NXPE3: variants seen among roughly 807,000 people sequenced by gnomAD.
The protein encoded by NXPE3 is neurexophilin and PC-esterase domain family member 3, also known as NXPE family member 3.
NXPE3 carries 26 observed loss-of-function variants against 46.1 expected under a neutral mutation model. The ratio of observed to expected loss-of-function variants is 0.56; its 90% CI spans 0.41 to 0.78. The LOEUF is 0.78. Ranked by LOEUF, NXPE3 falls within the 30% of genes least tolerant of loss-of-function variation. The pLI, the probability that NXPE3 is intolerant of heterozygous loss-of-function variation, is 0.00. For missense variants in NXPE3, 620 were observed against 686.0 expected (o/e 0.90, Z 1.07); for synonymous variants, 272 against 257.9 (o/e 1.05, Z -0.52).
chr3:101,801,566 A>G lies in NXPE3; in HGVS notation c.425A>G (p.Asp142Gly). ...AGAAAGCCCAAGAAGTATGGTGGAG[A>G]CTACCTGCAGGCCAGAATTCACTCC... Reference protein sequence around the residue: ...FQRKPKKYGGDYLQARIHSLK... With the variant: ...FQRKPKKYGGGYLQARIHSLK... Residue 142 changes from aspartate (D) to glycine (G), a missense_variant, in exon 5 of 8, where the codon GAC (aspartate) becomes GGC (glycine). Coordinates refer to ENST00000273347, the MANE Select transcript of NXPE3 (RefSeq NM_145037.4). 1.2e-6 allele frequency: 2 copies of G among 1,614,170 alleles called. No individual in the cohort carries two copies. The highest frequency in any genetic ancestry group is 1.7e-6 in the Non-Finnish European group (2 of 1,180,032).
At chr3:101,801,212 G>A (rs1941121236) in intron 4 of NXPE3, 23 bp from the exon 5 acceptor site, 1 of 1,579,142 alleles carries the variant, frequency 6.3e-7, no homozygotes, top group African/African-American at 1.4e-5. Context: ...GGTAATTTCT[G>A]TTGTTTGTGT....
chr3:101,790,688 G>T (rs1297764552), intron 4 of NXPE3, among the ~76,000 whole-genome samples: 2 of 152,140 alleles, frequency 1.3e-5, no homozygotes. Flanking sequence ...TGTCTCGCGG[G>T]CTCAAGTGAT....
In NXPE3 at chr3:101,825,516, A is replaced by AAATCCAT. The variant is rs1190501204; in HGVS notation, c.*3566_*3572dup. The AAATCCAT allele has an allele frequency of 4.6e-5, 7 of 152,326 alleles. No homozygotes were observed. Among genetic ancestry groups the AAATCCAT allele is most frequent in the Admixed American group, 4.6e-4 (7 of 15,298 alleles). The allele number at this position is 152,326 out of a possible 1,614,324, so 9.4% of individuals were successfully genotyped here. A position where few individuals can be genotyped will look rare whatever the true frequency, so the allele number is the denominator to read the frequency against. ...AATCTAGAAGAAAAATCTATGGATA[A>AAATCCAT]AATCCATAATTCTATCATCTGAATG... On this transcript the variant is annotated 3_prime_UTR_variant, in exon 8 of 8. Coordinates refer to ENST00000273347, the MANE Select transcript of NXPE3 (RefSeq NM_145037.4).
intron 5 of NXPE3, among the ~76,000 whole-genome samples, chr3:101,803,718 C>T (rs937611488): frequency 3.3e-5 from 5 of 152,148 alleles, no homozygotes; most frequent in Admixed American, 6.5e-5. Context: ...GTCCCGGGTT[C>T]GACGGATTCT....
Position 101,798,849 on chromosome 3 carries a change from A to G in NXPE3, c.94-2386A>G, listed in dbSNP as rs1336462399. On this transcript the variant is annotated intron_variant, in intron 4 of 7. Transcript: ENST00000273347. ...GACTAGTCTCGAACTCTTGAGCTCA[A>G]ACGATCCCGATCTGTCCACCTCTGC... Among the ~76,000 whole-genome samples the G allele has an allele frequency of 7.2e-5, 11 of 152,126 alleles. No individual in the cohort carries two copies. The East Asian group carries it at 1.9e-3, about 27-fold the overall frequency.
In NXPE3 at chr3:101,822,478, T is replaced by G. The variant is rs1198200501; in HGVS notation, c.*524T>G. Reference sequence around the variant, plus strand: ...GTCTCAGGAGTTTCTCTTGATGATCTACCTTTTCTGAATTACTTGAAAAGG... The same window carrying G: ...GTCTCAGGAGTTTCTCTTGATGATCGACCTTTTCTGAATTACTTGAAAAGG... On this transcript the variant is annotated 3_prime_UTR_variant, in exon 8 of 8. Transcript: ENST00000273347. 5 of 152,618 alleles carry G rather than the reference T, an allele frequency of 3.3e-5. No individual in the cohort carries two copies. The highest frequency in any genetic ancestry group is 1.2e-4 in the African/African-American group (5 of 41,460). The allele number at this position is 152,618 out of a possible 1,614,324, so 9.5% of individuals were successfully genotyped here. A position where few individuals can be genotyped will look rare whatever the true frequency, so the allele number is the denominator to read the frequency against.
At chr3:101,794,182 G>A (rs2107272254) in intron 4 of NXPE3, among the ~76,000 whole-genome samples, 1 of 152,112 alleles carries the variant, frequency 6.6e-6, no homozygotes, top group Middle Eastern at 3.4e-3. Context: ...GCTGGAAGTG[G>A]AAGTTTGAGG....
At chr3:101,803,338 G>A (rs1941257935) in intron 5 of NXPE3, among the ~76,000 whole-genome samples, 1 of 152,082 alleles carries the variant, frequency 6.6e-6, no homozygotes, top group African/African-American at 2.4e-5. Flanking sequence ...TATGTAGTGG[G>A]TTCATGCCAT....
At position 101,822,184 on chromosome 3, in the gene NXPE3, C is replaced by CCGAG; in HGVS notation, c.*230_*231insCGAG. 1 of 465,840 alleles carries CCGAG rather than the reference C, an allele frequency of 2.1e-6. No individual in the cohort carries two copies. The allele number at this position is 465,840 out of a possible 1,614,324, so 28.9% of individuals were successfully genotyped here. A position where few individuals can be genotyped will look rare whatever the true frequency, so the allele number is the denominator to read the frequency against. ...TTAGCCATGGTAGAACTCTTAACTGCATCTACACACTATATTGCTCTTGTA... is the reference window on the plus strand; with the variant it reads ...TTAGCCATGGTAGAACTCTTAACTGCCGAGATCTACACACTATATTGCTCTTGTA... On this transcript the variant is annotated 3_prime_UTR_variant, in exon 8 of 8. Transcript: ENST00000273347.
rs1186016290 is a variant in NXPE3 at position 101,801,717 on chromosome 3, A to C, written c.576A>C (p.Glu192Asp). The C allele has an allele frequency of 3.1e-6, 5 of 1,614,076 alleles. No individual in the cohort carries two copies. The highest frequency in any genetic ancestry group is 4.2e-6 in the Non-Finnish European group (5 of 1,180,036). ...CCGTATCTCTGGTCCACCCCAGTGA[A>C]GGGATCAGAGTTCTTCAGCGCTTAC... is the stretch of plus-strand genomic sequence containing the variant. ...KVSVSLVHPS[E>D]GIRVLQRLQE... The change falls in exon 5 of 8, where the codon GAA becomes GAC. Residue 192 changes from glutamate (E) to aspartate (D), a missense_variant. Around this residue, in one of 3 missense-constraint regions of NXPE3, gnomAD observed 511 missense variants for 528.6 expected, o/e 0.97. Coordinates refer to ENST00000273347, the MANE Select transcript of NXPE3 (RefSeq NM_145037.4).
chr3:101,805,681 T>C (rs1418574813), intron 5 of NXPE3, among the ~76,000 whole-genome samples: 1 of 152,136 alleles, frequency 6.6e-6, no homozygotes, highest in Non-Finnish European at 1.5e-5. Flanking sequence ...CTCAAGGATA[T>C]CTGCCCGTCT....
intron 4 of NXPE3, among the ~76,000 whole-genome samples, chr3:101,788,589 G>A (rs1286318553): frequency 2.0e-5 from 3 of 152,096 alleles, no homozygotes; most frequent in Non-Finnish European, 4.4e-5. Flanking sequence ...TGGTATCTTA[G>A]TTATTTTTAG....
At chr3:101,818,712 AATTTATATATATAT>A (rs1560067022) in intron 7 of NXPE3, among the ~76,000 whole-genome samples, 1 of 45,878 alleles carries the variant, frequency 2.2e-5, no homozygotes, top group African/African-American at 7.2e-5. Flanking sequence ...AATATATGAC[AATTTATATATATAT>A]ATATATATAT....
chr3:101,821,426 T>G lies in NXPE3; in HGVS notation c.1152T>G (p.Gly384=), dbSNP rs369282230. The G allele has an allele frequency of 2.5e-5, 41 of 1,613,730 alleles. No homozygotes were observed. The highest frequency in any genetic ancestry group is 3.5e-5 in the Non-Finnish European group (41 of 1,179,812). Residue 384 remains glycine, a synonymous_variant, in exon 8 of 8, where the codon GGT becomes GGG. Coordinates refer to ENST00000273347, the MANE Select transcript of NXPE3 (RefSeq NM_145037.4). ...FVPDLVEFNL[G]SPKNVGPFLA... is the part of the protein sequence containing the mutation. Reference sequence around the variant, plus strand: ...CAGATTTAGTGGAGTTTAACTTGGGTAGTCCCAAGAATGTGGGTCCCTTCC... The same window carrying G: ...CAGATTTAGTGGAGTTTAACTTGGGGAGTCCCAAGAATGTGGGTCCCTTCC...
chr3:101,791,751 T>C (rs1353619626), intron 4 of NXPE3, among the ~76,000 whole-genome samples: 1 of 152,196 alleles, frequency 6.6e-6, no homozygotes, highest in Admixed American at 6.5e-5. Context: ...GCAGTGAACA[T>C]TTGCATGCAT....
At chr3:101,804,551 T>C (rs1281353543) in intron 5 of NXPE3, among the ~76,000 whole-genome samples, 1 of 152,218 alleles carries the variant, frequency 6.6e-6, no homozygotes, top group Non-Finnish European at 1.5e-5. Context: ...TTCTGAAATA[T>C]TGCATAAGGC....
At position 101,815,719 on chromosome 3, in the gene NXPE3, C is replaced by T. The variant is rs112037828; in HGVS notation, c.923-1076C>T. Reference sequence around the variant, plus strand: ...TCTGTACTAAAAGTGCAAAAATTGGCCAGGCGTGGTGGCTCACGCCTGTAA... The same window carrying T: ...TCTGTACTAAAAGTGCAAAAATTGGTCAGGCGTGGTGGCTCACGCCTGTAA... On this transcript the variant is annotated intron_variant, in intron 6 of 7. Transcript: ENST00000273347. Among the ~76,000 whole-genome samples the T allele has an allele frequency of 2.6e-3, 389 of 152,234 alleles. 1 individual carries two copies. Among genetic ancestry groups the T allele is most frequent in the African/African-American group, 8.8e-3 (367 of 41,542 alleles).
In NXPE3 at chr3:101,827,819, C is replaced by G. The variant is rs572450947; in HGVS notation, c.*5865C>G. On this transcript the variant is annotated 3_prime_UTR_variant, in exon 8 of 8. Transcript: ENST00000273347. ...TCCACAAATCTAGGCCTCGCTGCCC[C>G]CTCCCTGCCTCCTCTGGCCCTCCTC... is the stretch of plus-strand genomic sequence containing the variant. 2.3e-4 allele frequency among the ~76,000 whole-genome samples: 35 copies of G among 152,314 alleles called. No homozygotes were observed. Among genetic ancestry groups the G allele is most frequent in the South Asian group, 2.1e-3 (10 of 4,828 alleles).
At chr3:101,808,818 G>GATATAGATAT (rs71132598) in intron 6 of NXPE3, among the ~76,000 whole-genome samples, 27 of 30,806 alleles carry the variant, frequency 8.8e-4, no homozygotes, top group Admixed American at 1.5e-3. Flanking sequence ...AATTTTAGAG[G>GATATAGATAT]ATATATATAT....
Sources: allele counts gnomAD v4.1 joint callset (sites outside exome capture counted in the v4.1 genomes callset), GRCh38; gene constraint gnomAD v4.1.1; regional missense constraint gnomAD v4.1.1; transcripts MANE v1.5; gene names NCBI Gene and HGNC (gene_info 2026-07-23, HGNC 2026-07-21).